Variants in CLN3 observed in about 807,000 individuals in gnomAD.
CLN3 encodes CLN3 lysosomal/endosomal transmembrane protein, battenin.
Under a neutral mutation model 60.7 loss-of-function variants are expected in CLN3, and 49 were observed. The ratio of observed to expected loss-of-function variants is 0.81; its 90% CI spans 0.64 to 1.02. CLN3 has a LOEUF of 1.02. Among genes scored for constraint, CLN3 ranks in the 50% least tolerant of loss-of-function variants. The probability of loss-of-function intolerance (pLI) is 0.00; values close to 1 mark genes in which losing one functional copy is unlikely to be tolerated. For synonymous variants in CLN3, 256 were observed against 245.8 expected, an observed-to-expected ratio of 1.04 and a Z score of -0.39; for missense variants, 516 against 557.4, an observed-to-expected ratio of 0.93 and a Z score of 0.75.
intron 5 of CLN3, 89 bp from the exon 6 acceptor site, chr16:28,487,830 A>G: frequency 3.0e-6 from 3 of 1,012,730 alleles, no homozygotes. Flanking sequence ...AGCTGGCCAA[A>G]CAGGCCTGCT....
intron 14 of CLN3, among the ~76,000 whole-genome samples, chr16:28,481,458 A>ACACACACG (rs1555468024): frequency 0.033 from 4,277 of 128,408 alleles, 84 homozygotes; most frequent in Admixed American, 0.052. Context: ...ACACACGCAC[A>ACACACACG]CACACACACA....
downstream of CLN3, among the ~76,000 whole-genome samples, chr16:28,470,751 G>A (rs1278131349): frequency 3.2e-4 from 48 of 150,542 alleles, no homozygotes; most frequent in Middle Eastern, 3.4e-3. Context: ...GAAAGGATCC[G>A]GTTCAAATTA....
At chr16:28,475,031 C>T (rs145307808), downstream of CLN3, among the ~76,000 whole-genome samples, 946 of 152,314 alleles carry the variant, frequency 6.2e-3, 5 homozygotes, top group Non-Finnish European at 8.8e-3. Context: ...GGGTGGATCA[C>T]TTGAGCTCTG....
downstream of CLN3, chr16:28,476,856 G>A (rs1240745029): frequency 6.4e-6 from 1 of 156,394 alleles, no homozygotes; most frequent in Non-Finnish European, 1.4e-5. Flanking sequence ...GATGGCAGAG[G>A]CCAGGTACAG....
chr16:28,487,570 G>A (rs1343134027), intron 6 of CLN3, 29 bp from the exon 7 acceptor site: 1 of 1,603,522 alleles, frequency 6.2e-7, no homozygotes, highest in South Asian at 1.1e-5. Context: ...AAGGGAGGGG[G>A]AAGGTCGGTC....
In CLN3 at chr16:28,477,413, G is replaced by T; in HGVS notation, c.*103C>A. 6.6e-7 allele frequency: 1 copy of T among 1,508,270 alleles called. No individual in the cohort carries two copies. Among genetic ancestry groups the T allele is most frequent in the East Asian group, 2.3e-5 (1 of 44,304 alleles). The allele number at this position is 1,508,270 out of a possible 1,614,324, so 93.4% of individuals were successfully genotyped here. ...CCCTACTCCCAGACCTGCCGGGAAG[G>T]CTGGGAGCACAGTTCATGGAGGGTC... On this transcript the variant is annotated 3_prime_UTR_variant, in exon 16 of 16. Transcript: ENST00000636147.
chr16:28,480,558 G>A (rs761316515), intron 14 of CLN3, among the ~76,000 whole-genome samples: 10 of 151,928 alleles, frequency 6.6e-5, no homozygotes, highest in Non-Finnish European at 1.2e-4. Flanking sequence ...GTGCCACCAC[G>A]CCCAACTAAT....
At chr16:28,484,375 G>A in intron 9 of CLN3, 1 of 467,846 alleles carries the variant, frequency 2.1e-6, no homozygotes, top group South Asian at 2.1e-5. Flanking sequence ...CAGAGACAGG[G>A]TCTTTCTCCA....
downstream of CLN3, among the ~76,000 whole-genome samples, chr16:28,474,909 C>A (rs575912877): frequency 6.6e-6 from 1 of 152,174 alleles, no homozygotes; most frequent in African/African-American, 2.4e-5. Flanking sequence ...TCCAGTCCAG[C>A]CTGAGCAACA....
At chr16:28,474,330 C>T (rs1449764746), downstream of CLN3, 1 of 152,090 alleles carries the variant, frequency 6.6e-6, no homozygotes, top group Non-Finnish European at 1.5e-5. Context: ...TGTAGTGGCG[C>T]ATGCCTGTAA....
chr16:28,475,082 T>C (rs2045980391), downstream of CLN3, among the ~76,000 whole-genome samples: 1 of 152,166 alleles, frequency 6.6e-6, no homozygotes, highest in Admixed American at 6.6e-5. Context: ...AAACCCCATC[T>C]CTACCAAAAA....
chr16:28,477,513 G>A lies in CLN3; in HGVS notation c.*3C>T. 1 of 1,613,084 alleles carries A rather than the reference G, an allele frequency of 6.2e-7. No individual in the cohort carries two copies. The highest frequency in any genetic ancestry group is 8.5e-7 in the Non-Finnish European group (1 of 1,180,028). On this transcript the variant is annotated 3_prime_UTR_variant, in exon 16 of 16. Coordinates refer to ENST00000636147, the MANE Select transcript of CLN3 (RefSeq NM_001042432.2). ...GTGACCTGCGTCCTGAGGATCCCGA[G>A]TATCAGGAGAGCTGGCAGAGGAAGT... is the stretch of plus-strand genomic sequence containing the variant.
In CLN3 at chr16:28,491,710, T is replaced by C; in HGVS notation, c.46+4A>G. On this transcript the variant is annotated splice_donor_region_variant and intron_variant, in intron 2 of 15. Transcript: ENST00000636147. ...GTTCCATGAGGGTGGGCGGGAATACTCACCCTCGGAATCCGAAAAGCGCCG... is the reference window on the plus strand; with the variant it reads ...GTTCCATGAGGGTGGGCGGGAATACCCACCCTCGGAATCCGAAAAGCGCCG... 1 of 1,614,040 alleles carries C rather than the reference T, an allele frequency of 6.2e-7. No homozygotes were observed. The highest frequency in any genetic ancestry group is 8.5e-7 in the Non-Finnish European group (1 of 1,179,996).
Position 28,489,343 on chromosome 16 carries a change from T to C in CLN3, c.169A>G (p.Ser57Gly), listed in dbSNP as rs951644149. ...TGGCTAAGGATGTCGTGGGCGGCAC[T>C]CAGCATCACCACATAAGAGAAGTTG... ...CNNFSYVVML[S>G]AAHDILSHKR... The change falls in exon 4 of 16, where the codon AGT becomes GGT. Residue 57 changes from serine to glycine, a missense_variant. Transcript: ENST00000636147. 1.2e-6 allele frequency: 2 copies of C among 1,613,450 alleles called. No homozygotes were observed. Among genetic ancestry groups the C allele is most frequent in the Non-Finnish European group, 1.7e-6 (2 of 1,179,838 alleles).
intron 14 of CLN3, chr16:28,479,600 C>T: frequency 6.3e-6 from 1 of 157,590 alleles, no homozygotes. Context: ...AAAAACAAAA[C>T]AAAACAAAAC....
downstream of CLN3, chr16:28,475,445 T>A (rs183891471): frequency 6.6e-6 from 1 of 152,466 alleles, no homozygotes; most frequent in African/African-American, 2.4e-5. Flanking sequence ...TATTATCCCA[T>A]TGGACAGATC....
At chr16:28,471,877 C>G (rs2045952776), downstream of CLN3, among the ~76,000 whole-genome samples, 1 of 152,000 alleles carries the variant, frequency 6.6e-6, no homozygotes, top group African/African-American at 2.4e-5. Context: ...CAGGGATGTC[C>G]AAGGAATCTG....
At chr16:28,476,741 C>G (rs1393049903), downstream of CLN3, 1 of 152,848 alleles carries the variant, frequency 6.5e-6, no homozygotes, top group African/African-American at 2.4e-5. Context: ...ACAATTCTTT[C>G]CACTTCTCTG....
chr16:28,477,067 T>G, downstream of CLN3: 1 of 230,742 alleles, frequency 4.3e-6, no homozygotes, highest in Non-Finnish European at 8.6e-6. Context: ...AACCGGGAAG[T>G]GGAGGTTGCA....
Sources: allele counts gnomAD v4.1 joint callset (sites outside exome capture counted in the v4.1 genomes callset), GRCh38; gene constraint gnomAD v4.1.1; transcripts MANE v1.5; gene names NCBI Gene and HGNC (gene_info 2026-07-23, HGNC 2026-07-21).